Variants in APPBP2 observed in about 807,000 individuals in gnomAD.
APPBP2 encodes amyloid beta precursor protein binding protein 2.
In APPBP2, 15 loss-of-function variants were observed where a neutral mutation model predicts 76.0. The ratio of observed to expected loss-of-function variants is 0.20; its 90% CI spans 0.13 to 0.30. APPBP2 has a LOEUF of 0.30. APPBP2 is among the 10% of genes least tolerant of loss of function. The probability of loss-of-function intolerance (pLI) is 1.00; values close to 1 mark genes in which losing one functional copy is unlikely to be tolerated. For missense variants in APPBP2, 401 were observed against 687.2 expected (o/e 0.58, Z 4.66); for synonymous variants, 222 against 242.2 (o/e 0.92, Z 0.77).
chr17:60,526,179 C>G lies in APPBP2; in HGVS notation c.-248G>C, dbSNP rs780415630. 1 of 496,434 alleles carries G rather than the reference C, an allele frequency of 2.0e-6. No homozygotes were observed. The allele number at this position is 496,434 out of a possible 1,614,324, so 30.8% of individuals were successfully genotyped here. On this transcript the variant is annotated 5_prime_UTR_variant, in exon 1 of 13. Coordinates refer to ENST00000083182, the MANE Select transcript of APPBP2 (RefSeq NM_006380.5). ...AGCCAGGCCAAAAGCGTCACAATCC[C>G]GGTTCGAGAGGAACCCGGGTTCCGT...
At chr17:60,447,953 G>T in intron 12 of APPBP2, 119 bp from the exon 13 acceptor site, 1 of 871,898 alleles carries the variant, frequency 1.1e-6, no homozygotes, top group Non-Finnish European at 1.7e-6. Context: ...TTATTCCCCT[G>T]AAAGGAATAG....
At chr17:60,483,744 T>C (rs2090650293) in intron 3 of APPBP2, among the ~76,000 whole-genome samples, 1 of 152,182 alleles carries the variant, frequency 6.6e-6, no homozygotes, top group South Asian at 2.1e-4. Context: ...TTAGATCCCA[T>C]TTGTCAATTT....
rs2091052742 is a variant in APPBP2 at position 60,526,073 on chromosome 17, C to T, written c.-142G>A. 1 of 749,534 alleles carries T rather than the reference C, an allele frequency of 1.3e-6. No homozygotes were observed. Among genetic ancestry groups the T allele is most frequent in the Non-Finnish European group, 2.1e-6 (1 of 472,002 alleles). The allele number at this position is 749,534 out of a possible 1,614,324, so 46.4% of individuals were successfully genotyped here. ...GGCGCACGGCAGAAGGCACGGCCGC[C>T]CTGCCTCCTCCGGGGGCAAACTGAG... is the stretch of plus-strand genomic sequence containing the variant. On this transcript the variant is annotated 5_prime_UTR_variant, in exon 1 of 13. Transcript: ENST00000083182.
intron 4 of APPBP2, among the ~76,000 whole-genome samples, chr17:60,466,946 G>A (rs939208539): frequency 5.9e-5 from 9 of 152,104 alleles, no homozygotes; most frequent in Non-Finnish European, 1.2e-4. Flanking sequence ...AATAGCAGTA[G>A]TGTCAACTAT....
chr17:60,479,118 C>A, intron 4 of APPBP2, 30 bp downstream of exon 4: 1 of 1,598,774 alleles, frequency 6.3e-7, no homozygotes, highest in Non-Finnish European at 8.5e-7. Context: ...ACTGTTATAG[C>A]ACGTAATTAC....
chr17:60,525,775 G>A lies in APPBP2; in HGVS notation c.138+19C>T, dbSNP rs768843208. 11 of 1,613,572 alleles carry A rather than the reference G, an allele frequency of 6.8e-6. No homozygotes were observed. Among genetic ancestry groups the A allele is most frequent in the Middle Eastern group, 1.7e-4 (1 of 5,992 alleles). On this transcript the variant is annotated intron_variant, in intron 1 of 12. Transcript: ENST00000083182. ...CGGGGTTGCTGGAGGAGAGCAGAGA[G>A]GAGGCCCACGGCGCATACCTTGTAG...
chr17:60,490,918 T>C (rs1366123177), intron 3 of APPBP2, among the ~76,000 whole-genome samples: 1 of 152,176 alleles, frequency 6.6e-6, no homozygotes, highest in Non-Finnish European at 1.5e-5. Flanking sequence ...AACCTCATTT[T>C]CCTTTATAAA....
intron 3 of APPBP2, among the ~76,000 whole-genome samples, chr17:60,485,566 T>A (rs1289996866): frequency 1.3e-5 from 2 of 152,244 alleles, no homozygotes; most frequent in African/African-American, 4.8e-5. Context: ...TATCATTTTT[T>A]ATTGCATCTA....
At chr17:60,477,246 C>T (rs2090597295) in intron 4 of APPBP2, among the ~76,000 whole-genome samples, 1 of 152,052 alleles carries the variant, frequency 6.6e-6, no homozygotes, top group South Asian at 2.1e-4. Context: ...TTTGGTAAGG[C>T]TAAAGCCAAA....
At chr17:60,489,857 G>GA (rs137896131) in intron 3 of APPBP2, among the ~76,000 whole-genome samples, 12,465 of 151,766 alleles carry the variant, frequency 0.082, 1,689 homozygotes, top group African/African-American at 0.28. Context: ...CCAACATGGT[G>GA]AACCCCGTCT....
Position 60,466,424 on chromosome 17 carries a change from T to C in APPBP2, c.539A>G (p.His180Arg). Residue 180 changes from histidine (H) to arginine (R), a missense_variant, in exon 5 of 13, where the codon CAT (histidine) becomes CGT (arginine). By Grantham distance (29) the His-to-Arg change is conservative (BLOSUM62 0). This residue lies in a region of APPBP2 where 64 missense variants were observed against 72.9 expected (regional missense o/e 0.88). Transcript: ENST00000083182. ...LHVRNGNCKY[H>R]LGEETFKLAQ... ...TAATTTAAATGTTTCTTCACCCAAA[T>C]GATATTTGCAGTTTCCATTTCGCAC... The C allele has an allele frequency of 6.2e-7, 1 of 1,613,394 alleles. No individual in the cohort carries two copies. The highest frequency in any genetic ancestry group is 8.5e-7 in the Non-Finnish European group (1 of 1,179,934).
At chr17:60,510,626 G>A (rs534206349) in intron 1 of APPBP2, among the ~76,000 whole-genome samples, 1 of 152,026 alleles carries the variant, frequency 6.6e-6, no homozygotes, top group African/African-American at 2.4e-5. Context: ...TGAGGTGGGA[G>A]GTTTGCCTGA....
intron 1 of APPBP2, among the ~76,000 whole-genome samples, chr17:60,504,030 A>T (rs1488529857): frequency 2.6e-5 from 4 of 152,228 alleles, no homozygotes; most frequent in Non-Finnish European, 4.4e-5. Flanking sequence ...TGGAAGATTT[A>T]AAGGTTAATC....
At chr17:60,518,575 T>C (rs1326094311) in intron 1 of APPBP2, among the ~76,000 whole-genome samples, 1 of 151,980 alleles carries the variant, frequency 6.6e-6, no homozygotes, top group Non-Finnish European at 1.5e-5. Flanking sequence ...GAGTGCAGTG[T>C]CATGATAACC....
intron 11 of APPBP2, among the ~76,000 whole-genome samples, chr17:60,452,847 C>G (rs550984178): frequency 5.3e-5 from 8 of 152,268 alleles, no homozygotes; most frequent in Admixed American, 4.6e-4. Context: ...GTGAAAAGAT[C>G]ACCTGAGCCC....
chr17:60,470,966 T>G (rs1169962148), intron 4 of APPBP2, among the ~76,000 whole-genome samples: 1 of 128,256 alleles, frequency 7.8e-6, no homozygotes, highest in Non-Finnish European at 1.5e-5. Flanking sequence ...AATTTTTGTA[T>G]TTTTTTTTTC....
At chr17:60,481,842 T>C (rs1445427135) in intron 3 of APPBP2, among the ~76,000 whole-genome samples, 1 of 152,246 alleles carries the variant, frequency 6.6e-6, no homozygotes, top group African/African-American at 2.4e-5. Context: ...AGTGGACATT[T>C]GCTGTTAATA....
At chr17:60,467,665 A>G (rs901503111) in intron 4 of APPBP2, among the ~76,000 whole-genome samples, 2 of 152,236 alleles carry the variant, frequency 1.3e-5, no homozygotes, top group Non-Finnish European at 2.9e-5. Flanking sequence ...AAGTAGGGTA[A>G]TATGATCAAA....
Position 60,451,871 on chromosome 17 carries a change from G to T in APPBP2, c.1504+9C>A. 5 of 1,595,546 alleles carry T rather than the reference G, an allele frequency of 3.1e-6. No homozygotes were observed. Among genetic ancestry groups the T allele is most frequent in the Non-Finnish European group, 4.3e-6 (5 of 1,171,592 alleles). ...TCAACTGACTAAAGAAAATTTAAAT[G>T]TAACATACCAATTGCTATAGATCGC... is the stretch of plus-strand genomic sequence containing the variant. On this transcript the variant is annotated intron_variant, in intron 12 of 12. Coordinates refer to ENST00000083182, the MANE Select transcript of APPBP2 (RefSeq NM_006380.5).
Sources: allele counts gnomAD v4.1 joint callset (sites outside exome capture counted in the v4.1 genomes callset), GRCh38; gene constraint gnomAD v4.1.1; regional missense constraint gnomAD v4.1.1; transcripts MANE v1.5; gene names NCBI Gene and HGNC (gene_info 2026-07-23, HGNC 2026-07-21).